Variants in PTPRK observed in about 807,000 individuals in gnomAD.
PTPRK encodes the protein receptor-type tyrosine-protein phosphatase kappa.
A neutral mutation model predicts 178.0 loss-of-function variants in PTPRK; 75 were observed. The observed-to-expected ratio is 0.42, with a 90% CI of 0.35 to 0.51. The LOEUF is 0.51. PTPRK is among the 20% of genes least tolerant of loss of function. The probability of loss-of-function intolerance (pLI) is 0.02; values close to 1 mark genes in which losing one functional copy is unlikely to be tolerated. For missense variants in PTPRK, 1,441 were observed against 1,797.8 expected (o/e 0.80, Z 3.59); for synonymous variants, 637 against 620.6 (o/e 1.03, Z -0.39).
intron 1 of PTPRK, among the ~76,000 whole-genome samples, chr6:128,475,252 T>TA (rs1402642336): frequency 2.0e-5 from 3 of 152,082 alleles, no homozygotes; most frequent in Non-Finnish European, 4.4e-5. Flanking sequence ...GCTGTTTGGA[T>TA]TATACAATAT....
intron 2 of PTPRK, among the ~76,000 whole-genome samples, chr6:128,393,324 C>T (rs577004697): frequency 1.8e-4 from 27 of 152,146 alleles, no homozygotes; most frequent in African/African-American, 5.5e-4. Context: ...CTCCTAACCT[C>T]GTGATCCGCC....
At chr6:128,318,605 A>G (rs1391727857) in intron 3 of PTPRK, among the ~76,000 whole-genome samples, 1 of 152,202 alleles carries the variant, frequency 6.6e-6, no homozygotes, top group African/African-American at 2.4e-5. Flanking sequence ...CACCCAGTTA[A>G]TGGAAAACAG....
intron 1 of PTPRK, among the ~76,000 whole-genome samples, chr6:128,504,001 A>G (rs1855949688): frequency 6.6e-6 from 1 of 152,216 alleles, no homozygotes; most frequent in South Asian, 2.1e-4. Flanking sequence ...CAACAAGACC[A>G]TATTAAGAAC....
At chr6:128,488,924 CA>C (rs920447833) in intron 1 of PTPRK, among the ~76,000 whole-genome samples, 42 of 140,796 alleles carry the variant, frequency 3.0e-4, no homozygotes, top group African/African-American at 3.4e-4. Flanking sequence ...TACTCACACA[CA>C]AAAAAAAAAT....
At chr6:128,352,573 CT>C (rs1417906127) in intron 2 of PTPRK, among the ~76,000 whole-genome samples, 1 of 152,100 alleles carries the variant, frequency 6.6e-6, no homozygotes, top group Non-Finnish European at 1.5e-5. Flanking sequence ...CCATACTGAA[CT>C]TTTTTTATTT....
intron 3 of PTPRK, among the ~76,000 whole-genome samples, chr6:128,276,797 TGA>T (rs1299113839): frequency 6.6e-6 from 1 of 152,128 alleles, no homozygotes; most frequent in Non-Finnish European, 1.5e-5. Flanking sequence ...TGGGCACCGA[TGA>T]GTTCAAGACT....
At chr6:128,520,192 G>T (rs945616783) in intron 1 of PTPRK, 67 bp downstream of exon 1, 1 of 1,368,700 alleles carries the variant, frequency 7.3e-7, no homozygotes, top group South Asian at 1.3e-5. Flanking sequence ...CCCTAGCGGG[G>T]ACCTGGCTCA....
intron 7 of PTPRK, among the ~76,000 whole-genome samples, chr6:128,117,719 C>G (rs1331562873): frequency 1.3e-5 from 2 of 152,134 alleles, no homozygotes; most frequent in East Asian, 3.9e-4. Context: ...GTGGCATGAT[C>G]TCAGCTCACT....
chr6:128,254,584 A>T (rs1280673286), intron 3 of PTPRK, among the ~76,000 whole-genome samples: 1 of 152,218 alleles, frequency 6.6e-6, no homozygotes, highest in African/African-American at 2.4e-5. Flanking sequence ...TTCTTTGCAG[A>T]AGATGAACTC....
At chr6:128,365,115 A>ACC (rs1835306565) in intron 2 of PTPRK, among the ~76,000 whole-genome samples, 3 of 152,160 alleles carry the variant, frequency 2.0e-5, no homozygotes, top group African/African-American at 7.2e-5. Flanking sequence ...CTGTGATTCA[A>ACC]CCTCTTCTGA....
chr6:128,133,935 C>T (rs1225618715), intron 7 of PTPRK, among the ~76,000 whole-genome samples: 1 of 151,984 alleles, frequency 6.6e-6, no homozygotes, highest in Non-Finnish European at 1.5e-5. Flanking sequence ...TTTTATTTCC[C>T]CCAAATTTAT....
chr6:128,369,679 TTTTAAAAAGC>T (rs1212660077), intron 2 of PTPRK, among the ~76,000 whole-genome samples: 4 of 152,162 alleles, frequency 2.6e-5, no homozygotes, highest in African/African-American at 9.6e-5. Flanking sequence ...TTTAGCAATT[TTTTAAAAAGC>T]TTTAGAAATT....
chr6:128,157,872 C>T (rs978164467), intron 7 of PTPRK, among the ~76,000 whole-genome samples: 1 of 152,006 alleles, frequency 6.6e-6, no homozygotes, highest in African/African-American at 2.4e-5. Context: ...AAAATTTTCT[C>T]CCATTCTGTG....
At position 128,325,800 on chromosome 6, in the gene PTPRK, G is replaced by A. The variant is rs182784069; in HGVS notation, c.224-3490C>T. Among the ~76,000 whole-genome samples the A allele has an allele frequency of 3.9e-5, 6 of 152,112 alleles. No individual in the cohort carries two copies. The East Asian group carries it at 9.7e-4, about 24-fold the overall frequency. ...TCTAAAACTAGAAATACCATTTGAC[G>A]TGTCAATCCCATTACTATGTATATA... On this transcript the variant is annotated intron_variant, in intron 2 of 29. Transcript: ENST00000368226.
intron 3 of PTPRK, among the ~76,000 whole-genome samples, chr6:128,243,998 A>T (rs1486915440): frequency 6.6e-6 from 1 of 152,180 alleles, no homozygotes; most frequent in African/African-American, 2.4e-5. Flanking sequence ...GGAAAGATAA[A>T]AATAATACTA....
chr6:128,014,522 A>G (rs931865087), intron 13 of PTPRK, among the ~76,000 whole-genome samples: 1 of 151,686 alleles, frequency 6.6e-6, no homozygotes, highest in African/African-American at 2.4e-5. Context: ...ATGGTGTGAA[A>G]GGTTTTTGTA....
chr6:128,076,703 A>C (rs981189669), intron 11 of PTPRK, among the ~76,000 whole-genome samples: 7 of 152,064 alleles, frequency 4.6e-5, no homozygotes, highest in African/African-American at 1.4e-4. Flanking sequence ...AAATACAAAG[A>C]TGAGTGTTTC....
intron 2 of PTPRK, among the ~76,000 whole-genome samples, chr6:128,328,911 A>G (rs1829914030): frequency 1.3e-5 from 2 of 152,204 alleles, no homozygotes; most frequent in Admixed American, 6.5e-5. Flanking sequence ...ATAGAAGGCA[A>G]TTAGATTCTC....
intron 13 of PTPRK, among the ~76,000 whole-genome samples, chr6:128,014,695 TTATATAAA>T (rs2114737137): frequency 6.6e-6 from 1 of 151,732 alleles, no homozygotes; most frequent in East Asian, 1.9e-4. Context: ...TAGCTGCCTA[TTATATAAA>T]TATACAATGA....
Sources: allele counts gnomAD v4.1 joint callset (sites outside exome capture counted in the v4.1 genomes callset), GRCh38; gene constraint gnomAD v4.1.1; transcripts MANE v1.5; gene names NCBI Gene and HGNC (gene_info 2026-07-23, HGNC 2026-07-21).